The following FOXP1 variants were observed in gnomAD, a reference collection of about 807,000 sequenced individuals.
FOXP1 encodes the protein forkhead box protein P1.
A neutral mutation model predicts 98.2 loss-of-function variants in FOXP1; 15 were observed. That is an observed-to-expected ratio of 0.15 (90% CI 0.10 to 0.24). FOXP1 has a LOEUF of 0.24. Ranked by LOEUF, FOXP1 falls within the 10% of genes least tolerant of loss-of-function variation. The probability of loss-of-function intolerance (pLI) is 1.00; values close to 1 mark genes in which losing one functional copy is unlikely to be tolerated. For synonymous variants in FOXP1, 371 were observed against 314.5 expected, an observed-to-expected ratio of 1.18 and a Z score of -1.90; for missense variants, 633 against 848.5, an observed-to-expected ratio of 0.75 and a Z score of 3.15.
intron 5 of FOXP1, among the ~76,000 whole-genome samples, chr3:71,232,877 C>CCAAAAAAAAAAAAAAA (rs1553791711): frequency 6.4e-5 from 2 of 31,422 alleles, no homozygotes; most frequent in African/African-American, 2.1e-4. Context: ...AACTCTGTCT[C>CCAAAAAAAAAAAAAAA]AAAAAAAAAA....
intron 12 of FOXP1, among the ~76,000 whole-genome samples, chr3:71,012,143 T>C (rs887625974): frequency 6.6e-6 from 1 of 152,196 alleles, no homozygotes; most frequent in Non-Finnish European, 1.5e-5. Context: ...AGCAATTTTA[T>C]AGTTCTAGAG....
At chr3:71,167,903 G>A (rs2061467495) in intron 6 of FOXP1, among the ~76,000 whole-genome samples, 1 of 152,126 alleles carries the variant, frequency 6.6e-6, no homozygotes, top group South Asian at 2.1e-4. Context: ...CTACACTCCT[G>A]CAATATGTTC....
intron 6 of FOXP1, among the ~76,000 whole-genome samples, chr3:71,181,685 C>A (rs1026729917): frequency 1.3e-5 from 2 of 152,082 alleles, no homozygotes; most frequent in African/African-American, 4.8e-5. Flanking sequence ...CATGATTAAG[C>A]CCACACAGAC....
chr3:71,471,796 C>T (rs534273381), intron 3 of FOXP1, among the ~76,000 whole-genome samples: 18 of 152,290 alleles, frequency 1.2e-4, no homozygotes, highest in African/African-American at 2.6e-4. Flanking sequence ...TGGAATACAG[C>T]GGCAGCTTTA....
intron 5 of FOXP1, among the ~76,000 whole-genome samples, chr3:71,265,846 G>A (rs755589364): frequency 9.9e-5 from 15 of 152,120 alleles, no homozygotes; most frequent in South Asian, 2.1e-4. Context: ...AGGAGGGGGC[G>A]CGAAAAGTGA....
chr3:71,568,064 G>A (rs1445315373), intron 2 of FOXP1: 2 of 127,900 alleles, frequency 1.6e-5, no homozygotes, highest in Non-Finnish European at 3.4e-5. Context: ...GAGGGGAAGA[G>A]GGGGGGAGGA....
intron 3 of FOXP1, among the ~76,000 whole-genome samples, chr3:71,489,803 C>T (rs745559616): frequency 6.6e-6 from 1 of 152,178 alleles, no homozygotes; most frequent in Non-Finnish European, 1.5e-5. Flanking sequence ...GTACATTACC[C>T]GTCTTCTGAC....
intron 5 of FOXP1, among the ~76,000 whole-genome samples, chr3:71,272,864 G>A (rs1277083319): frequency 3.3e-5 from 5 of 152,096 alleles, no homozygotes; most frequent in African/African-American, 1.2e-4. Flanking sequence ...ACTGCTAGGG[G>A]AAAGCTCAGG....
intron 3 of FOXP1, among the ~76,000 whole-genome samples, chr3:71,367,739 AG>A (rs1249142384): frequency 6.6e-6 from 1 of 152,236 alleles, no homozygotes; most frequent in Non-Finnish European, 1.5e-5. Flanking sequence ...AAGTGAGATT[AG>A]TGAACAGAAA....
intron 2 of FOXP1, among the ~76,000 whole-genome samples, chr3:71,522,947 A>G (rs1216841006): frequency 1.3e-5 from 2 of 152,210 alleles, no homozygotes; most frequent in Non-Finnish European, 2.9e-5. Flanking sequence ...CCTGAATTCA[A>G]CTATATGAAC....
rs2032099445 is a variant in FOXP1 at position 70,957,468 on chromosome 3, A to G, written c.*1779T>C. The G allele has an allele frequency of 4.3e-6, 1 of 230,502 alleles. No individual in the cohort carries two copies. The highest frequency in any genetic ancestry group is 8.6e-6 in the Non-Finnish European group (1 of 116,232). 14.3% of individuals were successfully genotyped at this position (230,502 alleles called of 1,614,324 possible). On this transcript the variant is annotated 3_prime_UTR_variant, in exon 21 of 21. Coordinates refer to ENST00000649528, the MANE Select transcript of FOXP1 (RefSeq NM_001349338.3). ...ATAAGAGGATATTTGGCTTCATCAGATAAAGCATAAAACAGAGAACATAAT... is the reference window on the plus strand; with the variant it reads ...ATAAGAGGATATTTGGCTTCATCAGGTAAAGCATAAAACAGAGAACATAAT...
At chr3:70,977,598 C>A in intron 16 of FOXP1, 45 bp downstream of exon 16, 2 of 1,435,730 alleles carry the variant, frequency 1.4e-6, no homozygotes, top group Non-Finnish European at 2.0e-6. Flanking sequence ...TCCATGTACA[C>A]ATATACCTTC....
chr3:70,965,596 G>GA (rs1400294717), intron 20 of FOXP1, among the ~76,000 whole-genome samples: 2 of 152,116 alleles, frequency 1.3e-5, no homozygotes, highest in Non-Finnish European at 2.9e-5. Context: ...GTTTGAGGAG[G>GA]AAAAAGTAGT....
chr3:71,521,657 A>T lies in FOXP1; in HGVS notation c.-297-28102T>A, dbSNP rs570382216. On this transcript the variant is annotated intron_variant, in intron 2 of 20. Transcript: ENST00000649528. ...AGATTTGTTTCGCTTGGGCCAGACT[A>T]GACAGACTTTATTTTTATTCTATTT... Among the ~76,000 whole-genome samples the T allele has an allele frequency of 1.6e-4, 24 of 152,328 alleles. No individual in the cohort carries two copies. The South Asian group carries it at 5.0e-3, about 32-fold the overall frequency.
chr3:71,417,720 A>C (rs2083320286), intron 3 of FOXP1, among the ~76,000 whole-genome samples: 1 of 152,088 alleles, frequency 6.6e-6, no homozygotes, highest in South Asian at 2.1e-4. Context: ...CAGATCTACA[A>C]ATGAGGACAG....
chr3:71,267,339 A>C (rs1408677940), intron 5 of FOXP1, among the ~76,000 whole-genome samples: 1 of 152,194 alleles, frequency 6.6e-6, no homozygotes, highest in African/African-American at 2.4e-5. Context: ...AATTTAAATA[A>C]GTATACAGTA....
intron 2 of FOXP1, among the ~76,000 whole-genome samples, chr3:71,554,091 T>C (rs528649630): frequency 6.6e-6 from 1 of 152,288 alleles, no homozygotes; most frequent in African/African-American, 2.4e-5. Flanking sequence ...CTCACACCTA[T>C]AATCCCAACC....
In FOXP1 at chr3:70,972,904, A is replaced by ATAACTGACCAGCAGAAATATTTTT. The variant is rs1275009189; in HGVS notation, c.1531-252_1531-229dup. On this transcript the variant is annotated intron_variant, in intron 17 of 20. Transcript: ENST00000649528. ...TGGCATTTTCGTCTAGTCTCTGGTA[A>ATAACTGACCAGCAGAAATATTTTT]TAACTGACCAGCAGAAATATTTTTT... Among the ~76,000 whole-genome samples, 103 of 152,348 alleles carry ATAACTGACCAGCAGAAATATTTTT rather than the reference A, an allele frequency of 6.8e-4. No individual in the cohort carries two copies. In the Middle Eastern group the frequency reaches 0.02, roughly 30 times the overall value.
chr3:71,010,766 G>A (rs1405460254), intron 12 of FOXP1, among the ~76,000 whole-genome samples: 2 of 152,046 alleles, frequency 1.3e-5, no homozygotes, highest in African/African-American at 2.4e-5. Flanking sequence ...GATGCTTTCA[G>A]GATCTATGAA....
Sources: gnomAD v4.1 joint callset for allele counts (sites outside exome capture counted in the v4.1 genomes callset) on GRCh38, gnomAD v4.1.1 for gene constraint, MANE v1.5 for transcripts, NCBI Gene and HGNC (gene_info 2026-07-23, HGNC 2026-07-21) for gene names.